The following ARSG variants were observed in gnomAD, a reference collection of about 807,000 sequenced individuals.
ARSG encodes the protein ASG.
ARSG carries 37 observed loss-of-function variants against 50.5 expected under a neutral mutation model. The observed-to-expected ratio is 0.73, with a 90% CI of 0.56 to 0.96. The LOEUF is 0.96. Ranked by LOEUF, ARSG falls within the 50% of genes least tolerant of loss-of-function variation. The probability of loss-of-function intolerance (pLI) is 0.00; values close to 1 mark genes in which losing one functional copy is unlikely to be tolerated. For synonymous variants in ARSG, 225 were observed against 254.6 expected, an observed-to-expected ratio of 0.88 and a Z score of 1.11; for missense variants, 629 against 675.3, an observed-to-expected ratio of 0.93 and a Z score of 0.76.
intron 1 of ARSG, among the ~76,000 whole-genome samples, chr17:68,279,743 A>G (rs2075633334): frequency 6.6e-6 from 1 of 152,202 alleles, no homozygotes; most frequent in African/African-American, 2.4e-5. Flanking sequence ...TAGCACATGA[A>G]TACTGTCTTT....
chr17:68,355,271 T>A (rs2078979830), intron 5 of ARSG, among the ~76,000 whole-genome samples: 1 of 152,172 alleles, frequency 6.6e-6, no homozygotes, highest in Admixed American at 6.5e-5. Context: ...TTGCCAGAGA[T>A]CATGACCAGA....
chr17:68,281,827 G>A (rs2075704885), intron 1 of ARSG, among the ~76,000 whole-genome samples: 1 of 152,130 alleles, frequency 6.6e-6, no homozygotes. Flanking sequence ...ATGTAAACTA[G>A]TACGGCCAAT....
In ARSG at chr17:68,399,342, G is replaced by T. The variant is rs1568576917; in HGVS notation, c.1213-2018G>T. Among the ~76,000 whole-genome samples the T allele has an allele frequency of 6.6e-6, 1 of 152,112 alleles. No homozygotes were observed. Among genetic ancestry groups the T allele is most frequent in the East Asian group, 1.9e-4 (1 of 5,188 alleles). ...GAATGGAGAAGAAGCCCACCTTCAGGGGATGCTATATCAGCACCCTGTGGG... is the reference window on the plus strand; with the variant it reads ...GAATGGAGAAGAAGCCCACCTTCAGTGGATGCTATATCAGCACCCTGTGGG... On this transcript the variant is annotated intron_variant, in intron 10 of 11. Coordinates refer to ENST00000621439, the MANE Select transcript of ARSG (RefSeq NM_001267727.2). The surrounding 1 kb of genome is among the most constrained non-coding windows in gnomAD (Gnocchi z 4.6).
the ARSG span, chr17:68,433,413 C>G: frequency 6.8e-7 from 1 of 1,480,372 alleles, no homozygotes; most frequent in Non-Finnish European, 9.4e-7. Flanking sequence ...AGTAGAAGAG[C>G]CTAGGCCTGA....
chr17:68,334,054 C>T (rs1018996631), intron 2 of ARSG, among the ~76,000 whole-genome samples: 20 of 152,134 alleles, frequency 1.3e-4, no homozygotes, highest in Admixed American at 3.9e-4. Context: ...GCCGGGGTGG[C>T]GCCAGGAGCT....
chr17:68,428,257 G>T, the ARSG span: 5 of 151,086 alleles, frequency 3.3e-5, no homozygotes, highest in Non-Finnish European at 7.3e-5. Context: ...TTGAGACAGG[G>T]TCTCACTCTG....
chr17:68,445,985 A>G, the ARSG span, among the ~76,000 whole-genome samples: 15 of 152,170 alleles, frequency 9.9e-5, no homozygotes, highest in African/African-American at 4.8e-5. Flanking sequence ...CTCAAGAACC[A>G]CTGGTCTCAG....
intron 10 of ARSG, among the ~76,000 whole-genome samples, chr17:68,397,573 C>T (rs535109284): frequency 3.3e-4 from 50 of 152,086 alleles, no homozygotes; most frequent in Non-Finnish European, 5.0e-4. Flanking sequence ...AGTAAATTGT[C>T]TCAAATTTGG....
chr17:68,400,114 T>G (rs2147214903), intron 10 of ARSG: 1 of 152,254 alleles, frequency 6.6e-6, no homozygotes, highest in Admixed American at 6.5e-5. Context: ...CCAACAGATG[T>G]TTCTCATTTT....
At chr17:68,265,753 GTT>G (rs56355626) in intron 1 of ARSG, among the ~76,000 whole-genome samples, 17,852 of 134,224 alleles carry the variant, frequency 0.13, 1,464 homozygotes, top group East Asian at 0.33. Flanking sequence ...AGTGTGTGTT[GTT>G]TTTTTTTTTT....
At chr17:68,342,505 C>T (rs958210369) in intron 2 of ARSG, among the ~76,000 whole-genome samples, 8 of 151,820 alleles carry the variant, frequency 5.3e-5, no homozygotes, top group South Asian at 4.1e-4. Flanking sequence ...AGGCACCTGC[C>T]ACCACACCCA....
rs1555748819 is a variant in ARSG, at chr17:68,271,586, T to G, written c.-552+12160T>G. ...AGCAGTGCTCCGAAGATGACAATGT[T>G]TAACTGTAGTAGGCCCACGAAGAGG... On this transcript the variant is annotated intron_variant, in intron 1 of 11. Coordinates refer to the ARSG transcript ENST00000448504. The surrounding 1 kb of genome is among the most constrained non-coding windows in gnomAD (Gnocchi z 5.3). 1.2e-6 allele frequency: 2 copies of G among 1,614,212 alleles called. No homozygotes were observed. The highest frequency in any genetic ancestry group is 4.5e-5 in the East Asian group (2 of 44,886).
chr17:68,306,958 C>T lies in ARSG; in HGVS notation c.-536C>T, dbSNP rs2076633220. On this transcript the variant is annotated 5_prime_UTR_variant, in exon 2 of 12. Coordinates refer to ENST00000621439, the MANE Select transcript of ARSG (RefSeq NM_001267727.2). ...GTTCTTTCAGGAAACCTTACAGAAA[C>T]ATGAAGCCCTCAACCATCTGCTACT... The T allele has an allele frequency of 2.0e-5, 3 of 152,348 alleles. No homozygotes were observed. Among genetic ancestry groups the T allele is most frequent in the Non-Finnish European group, 4.4e-5 (3 of 68,198 alleles). The allele number at this position is 152,348 out of a possible 1,614,324, so 9.4% of individuals were successfully genotyped here.
intron 2 of ARSG, among the ~76,000 whole-genome samples, chr17:68,321,252 A>G (rs1392365239): frequency 2.0e-5 from 3 of 152,208 alleles, no homozygotes; most frequent in Non-Finnish European, 4.4e-5. Flanking sequence ...GACGAAAGGC[A>G]CCAAGTTCAC....
At chr17:68,335,553 C>CA (rs397856679) in intron 2 of ARSG, among the ~76,000 whole-genome samples, 6,306 of 89,668 alleles carry the variant, frequency 0.07, 277 homozygotes, top group African/African-American at 0.12. Flanking sequence ...GACTCCATCT[C>CA]AAAAAAAAAA....
chr17:68,336,770 T>C (rs2146136884), intron 2 of ARSG, among the ~76,000 whole-genome samples: 1 of 152,158 alleles, frequency 6.6e-6, no homozygotes, highest in East Asian at 1.9e-4. Flanking sequence ...GGATAATCAC[T>C]TGAACCCAGG....
intron 10 of ARSG, 28 bp from the exon 11 acceptor site, chr17:68,401,332 A>G (rs754378022): frequency 1.4e-5 from 23 of 1,605,236 alleles, no homozygotes; most frequent in Middle Eastern, 1.7e-4. Context: ...CAATTTTTCT[A>G]TTAGTAAGCT....
Position 68,408,011 on chromosome 17 carries a change from CT to C in ARSG, c.1303+6575del, listed in dbSNP as rs77397594. 7.8e-3 allele frequency among the ~76,000 whole-genome samples: 1,009 copies of C among 129,564 alleles called. 6 individuals are homozygous for C. Among genetic ancestry groups the C allele is most frequent in the African/African-American group, 0.014 (497 of 35,926 alleles). 85.0% of individuals were successfully genotyped at this position (129,564 alleles called of 152,430 possible). On this transcript the variant is annotated intron_variant, in intron 11 of 11. Coordinates refer to ENST00000621439, the MANE Select transcript of ARSG (RefSeq NM_001267727.2). ...TCAGTATTATGTTGGCTGTGGGTTT[CT>C]TTTTTTTTTTTTTATTGGTGCAAAT...
Position 68,360,778 on chromosome 17 carries a change from G to A in ARSG, c.704+3974G>A, listed in dbSNP as rs534973188. ...AGGGCTTGATAAGCAGGAGTGTATCGGGCATCAGGATGAGCAGCGGCCCAG... is the reference window on the plus strand; with the variant it reads ...AGGGCTTGATAAGCAGGAGTGTATCAGGCATCAGGATGAGCAGCGGCCCAG... On this transcript the variant is annotated intron_variant, in intron 6 of 11. Coordinates refer to ENST00000621439, the MANE Select transcript of ARSG (RefSeq NM_001267727.2). Among the ~76,000 whole-genome samples, 6 of 152,224 alleles carry A rather than the reference G, an allele frequency of 3.9e-5. No individual in the cohort carries two copies. In the East Asian group the frequency reaches 5.8e-4, roughly 15 times the overall value.
Sources: allele counts gnomAD v4.1 joint callset (sites outside exome capture counted in the v4.1 genomes callset), GRCh38; gene constraint gnomAD v4.1.1; non-coding constraint Gnocchi (gnomAD v3.1); transcripts MANE v1.5; gene names NCBI Gene and HGNC (gene_info 2026-07-23, HGNC 2026-07-21).